The following SYT10 variants were observed in gnomAD, a reference collection of about 807,000 sequenced individuals.
SYT10 encodes the protein synaptotagmin-10.
Under a neutral mutation model 51.1 loss-of-function variants are expected in SYT10, and 31 were observed. The observed-to-expected ratio is 0.61, with a 90% CI of 0.46 to 0.82. The LOEUF (loss-of-function observed/expected upper bound fraction) is 0.82. SYT10 is among the 40% of genes least tolerant of loss of function. SYT10 has a pLI of 0.00. For missense variants in SYT10, 603 were observed against 634.0 expected (o/e 0.95, Z 0.53); for synonymous variants, 233 against 225.9 (o/e 1.03, Z -0.28).
chr12:33,433,102 A>T (rs1261316707), intron 1 of SYT10, among the ~76,000 whole-genome samples: 1 of 152,152 alleles, frequency 6.6e-6, no homozygotes. Flanking sequence ...ATAATAAAAG[A>T]AGCCATCTCT....
chr12:33,431,705 G>T (rs940230068), intron 1 of SYT10, among the ~76,000 whole-genome samples: 4 of 152,096 alleles, frequency 2.6e-5, no homozygotes, highest in African/African-American at 7.2e-5. Flanking sequence ...ATGCGCTAAA[G>T]CAAAAGCATC....
At chr12:33,424,108 A>G in intron 2 of SYT10, 1 of 422,046 alleles carries the variant, frequency 2.4e-6, no homozygotes, top group South Asian at 1.7e-5. Context: ...CTTACAAAAT[A>G]TCAGATATAT....
intron 2 of SYT10, among the ~76,000 whole-genome samples, chr12:33,411,545 T>C (rs748005695): frequency 5.3e-5 from 8 of 152,198 alleles, no homozygotes; most frequent in Non-Finnish European, 1.2e-4. Context: ...TTGTGGTATA[T>C]CATATATTAA....
chr12:33,406,723 TAATA>T, intron 3 of SYT10, 62 bp downstream of exon 3: 1 of 1,320,548 alleles, frequency 7.6e-7, no homozygotes, highest in African/African-American at 1.5e-5. Context: ...ATAATTTGGG[TAATA>T]ATTAGTCACA....
In SYT10 at chr12:33,377,629, C is replaced by CTTT. The variant is rs375275079; in HGVS notation, c.1501-731_1501-729dup. Among the ~76,000 whole-genome samples, 430 of 113,984 alleles carry CTTT rather than the reference C, an allele frequency of 3.8e-3. 18 individuals are homozygous for CTTT. In the East Asian group the frequency reaches 0.049, roughly 13 times the overall value. 74.8% of individuals were successfully genotyped at this position (113,984 alleles called of 152,430 possible). ...GGAACCTGATTTTCTTTTTCTTTTT[C>CTTT]TTTTTTTTTTTTTTTGAGATGGAGT... On this transcript the variant is annotated intron_variant, in intron 6 of 6. Transcript: ENST00000228567.
At chr12:33,385,047 T>C (rs1168052085) in intron 4 of SYT10, 124 bp downstream of exon 4, 7 of 1,141,300 alleles carry the variant, frequency 6.1e-6, no homozygotes, top group Non-Finnish European at 8.4e-6. Context: ...ATTTGTAATC[T>C]TTTTTTTTCT....
Position 33,390,570 on chromosome 12 carries a change from A to C in SYT10, c.1078-5279T>G, listed in dbSNP as rs1312005294. Among the ~76,000 whole-genome samples, 25 of 150,696 alleles carry C rather than the reference A, an allele frequency of 1.7e-4. No homozygotes were observed. The East Asian group carries it at 3.2e-3, about 19-fold the overall frequency. On this transcript the variant is annotated intron_variant, in intron 3 of 6. Coordinates refer to ENST00000228567, the MANE Select transcript of SYT10 (RefSeq NM_198992.4). ...CCACAACCCAAAAACTCCACCCTCT[A>C]TATATATATAAAATAAATAATTTGC...
intron 3 of SYT10, among the ~76,000 whole-genome samples, chr12:33,406,509 T>C (rs1449135772): frequency 6.6e-6 from 1 of 152,168 alleles, no homozygotes; most frequent in African/African-American, 2.4e-5. Flanking sequence ...GCAGATAGGA[T>C]ATTTATATTA....
At chr12:33,406,139 GT>G (rs1283610511) in intron 3 of SYT10, among the ~76,000 whole-genome samples, 3 of 151,900 alleles carry the variant, frequency 2.0e-5, no homozygotes, top group African/African-American at 7.2e-5. Flanking sequence ...TATGCTATGT[GT>G]TTTTACTGTT....
rs148911995 is a variant in SYT10 at position 33,419,083 on chromosome 12, C to T, written c.509+7055G>A. On this transcript the variant is annotated intron_variant, in intron 2 of 6. Transcript: ENST00000228567. ...ACATAAAAAGCCCTCCCAGACTCCT[C>T]AAGGCCCACCTCTCTACCACTTTTG... 2.8e-3 allele frequency among the ~76,000 whole-genome samples: 432 copies of T among 152,254 alleles called. 2 individuals carry two copies. The highest frequency in any genetic ancestry group is 1.0e-2 in the African/African-American group (415 of 41,552).
chr12:33,401,047 T>A (rs1866300185), intron 3 of SYT10, among the ~76,000 whole-genome samples: 1 of 151,952 alleles, frequency 6.6e-6, no homozygotes, highest in African/African-American at 2.4e-5. Flanking sequence ...AAAATAGTCT[T>A]TATAGTGATT....
rs752808807 is a variant in SYT10 at position 33,385,241 on chromosome 12, C to T, written c.1128G>A (p.Thr376=). ...TGACTGTCAATGTCATACGCCCAGC[C>T]GTCGGTAGGTAACAAAGGGAAAACA... ...EIMFSLCYLP[T]AGRMTLTVIK... The change falls in exon 4 of 7, where the codon ACG becomes ACA. Residue 376 remains threonine, a synonymous_variant. Transcript: ENST00000228567. 44 of 1,613,582 alleles carry T rather than the reference C, an allele frequency of 2.7e-5. 1 individual carries two copies. Among genetic ancestry groups the T allele is most frequent in the South Asian group, 9.9e-5 (9 of 91,082 alleles).
At chr12:33,418,144 A>G (rs1020819846) in intron 2 of SYT10, among the ~76,000 whole-genome samples, 3 of 152,120 alleles carry the variant, frequency 2.0e-5, no homozygotes, top group African/African-American at 4.8e-5. Flanking sequence ...TGTCTCCCCA[A>G]CATTGCTAAA....
intron 1 of SYT10, among the ~76,000 whole-genome samples, chr12:33,428,682 G>A (rs10844602): frequency 0.14 from 20,812 of 152,094 alleles, 1,698 homozygotes; most frequent in African/African-American, 0.2. Context: ...TGAGACGGGC[G>A]GATCACGAGG....
intron 6 of SYT10, among the ~76,000 whole-genome samples, chr12:33,378,832 G>A (rs1182751631): frequency 3.3e-5 from 5 of 151,860 alleles, no homozygotes; most frequent in Non-Finnish European, 4.4e-5. Context: ...GTGTGTGTGT[G>A]TGTGTGTGTG....
intron 2 of SYT10, among the ~76,000 whole-genome samples, chr12:33,416,893 G>C (rs1311105169): frequency 4.6e-5 from 7 of 152,164 alleles, no homozygotes; most frequent in Admixed American, 4.6e-4. Context: ...TAACCTGAAA[G>C]TGGAGGGATT....
At chr12:33,414,988 G>T (rs1866440727) in intron 2 of SYT10, among the ~76,000 whole-genome samples, 2 of 152,146 alleles carry the variant, frequency 1.3e-5, no homozygotes, top group Admixed American at 6.5e-5. Context: ...AGCTGCTCTG[G>T]TTGACATGTG....
chr12:33,375,139 G>A lies in SYT10; in HGVS notation c.*1691C>T, dbSNP rs951413094. ...AGCTTTCTTCTATTATTTTCAATGA[G>A]AAAATGTTAGCTAGGAGTACCTGTT... On this transcript the variant is annotated 3_prime_UTR_variant, in exon 7 of 7. Coordinates refer to ENST00000228567, the MANE Select transcript of SYT10 (RefSeq NM_198992.4). 6.6e-6 allele frequency: 1 copy of A among 151,954 alleles called. No homozygotes were observed. The highest frequency in any genetic ancestry group is 6.6e-5 in the Admixed American group (1 of 15,236). 9.4% of individuals were successfully genotyped at this position (151,954 alleles called of 1,614,324 possible).
intron 1 of SYT10, among the ~76,000 whole-genome samples, chr12:33,437,996 C>A (rs1434771538): frequency 2.0e-5 from 3 of 152,086 alleles, no homozygotes; most frequent in Non-Finnish European, 2.9e-5. Context: ...TCAAGCTCTG[C>A]CAAGTGCAGA....
Sources: allele counts gnomAD v4.1 joint callset (sites outside exome capture counted in the v4.1 genomes callset), GRCh38; gene constraint gnomAD v4.1.1; transcripts MANE v1.5; gene names NCBI Gene and HGNC (gene_info 2026-07-23, HGNC 2026-07-21).